The following GRAMD1B variants were observed in gnomAD, a reference collection of about 807,000 sequenced individuals.
GRAMD1B encodes the protein protein Aster-B.
In GRAMD1B, 37 loss-of-function variants were observed where a neutral mutation model predicts 99.7. That is an observed-to-expected ratio of 0.37 (90% CI 0.29 to 0.49). The LOEUF is 0.49. GRAMD1B is among the 20% of genes least tolerant of loss of function. GRAMD1B has a pLI of 0.98. For synonymous variants in GRAMD1B, 427 were observed against 387.6 expected, an observed-to-expected ratio of 1.10 and a Z score of -1.19; for missense variants, 888 against 1,009.2, an observed-to-expected ratio of 0.88 and a Z score of 1.63.
intron 17 of GRAMD1B, among the ~76,000 whole-genome samples, chr11:123,616,037 CTG>C (rs1392402216): frequency 6.6e-6 from 1 of 152,104 alleles, no homozygotes; most frequent in Non-Finnish European, 1.5e-5. Flanking sequence ...ACAAAAGTAA[CTG>C]TTGGCTGGGC....
At chr11:123,441,431 A>C (rs896061611) in intron 1 of GRAMD1B, among the ~76,000 whole-genome samples, 1 of 152,078 alleles carries the variant, frequency 6.6e-6, no homozygotes, top group Non-Finnish European at 1.5e-5. Context: ...GCTTGAGCCG[A>C]GGAGTTGGAG....
At chr11:123,621,806 A>G (rs1235290788) in intron 19 of GRAMD1B, among the ~76,000 whole-genome samples, 1 of 149,958 alleles carries the variant, frequency 6.7e-6, no homozygotes, top group African/African-American at 2.5e-5. Flanking sequence ...TTCTTGATCT[A>G]GCACTGAGAC....
chr11:123,427,283 AT>A (rs1446736467), upstream of GRAMD1B, among the ~76,000 whole-genome samples: 1 of 152,198 alleles, frequency 6.6e-6, no homozygotes, highest in African/African-American at 2.4e-5. Context: ...TTCAGAAGGC[AT>A]GAGTTCCAAT....
At chr11:123,421,490 G>T (rs974427361) in intron 1 of GRAMD1B, among the ~76,000 whole-genome samples, 1 of 152,222 alleles carries the variant, frequency 6.6e-6, no homozygotes, top group African/African-American at 2.4e-5. Flanking sequence ...CCAGCTTTGT[G>T]ATCTTGGTCT....
intron 1 of GRAMD1B, among the ~76,000 whole-genome samples, chr11:123,377,064 T>C (rs1257576829): frequency 2.6e-5 from 4 of 152,200 alleles, no homozygotes; most frequent in Admixed American, 1.3e-4. Context: ...CTCCAAGAAC[T>C]ACTCTAAAAG....
At chr11:123,490,628 T>G (rs1294363077) in intron 2 of GRAMD1B, among the ~76,000 whole-genome samples, 1 of 152,176 alleles carries the variant, frequency 6.6e-6, no homozygotes, top group Non-Finnish European at 1.5e-5. Context: ...TCAAGATATA[T>G]TTAGGAGATA....
At chr11:123,415,581 C>A (rs1253756849) in intron 1 of GRAMD1B, among the ~76,000 whole-genome samples, 1 of 151,938 alleles carries the variant, frequency 6.6e-6, no homozygotes. Flanking sequence ...AGGTGAAGAT[C>A]ATTTTTATCA....
intron 1 of GRAMD1B, among the ~76,000 whole-genome samples, chr11:123,419,736 T>A (rs1948359861): frequency 9.0e-6 from 1 of 111,506 alleles, no homozygotes; most frequent in African/African-American, 3.9e-5. Flanking sequence ...TGTGTGTGTG[T>A]GTGTGTGTGT....
At chr11:123,485,590 A>T (rs1419203301) in intron 2 of GRAMD1B, among the ~76,000 whole-genome samples, 1 of 152,194 alleles carries the variant, frequency 6.6e-6, no homozygotes, top group South Asian at 2.1e-4. Flanking sequence ...TTTTATGAAA[A>T]TGTGTTTATT....
chr11:123,531,722 G>C (rs1943395250), intron 2 of GRAMD1B, among the ~76,000 whole-genome samples: 1 of 140,734 alleles, frequency 7.1e-6, no homozygotes, highest in African/African-American at 2.7e-5. Flanking sequence ...ACTACATATT[G>C]CTAGATGGTT....
rs905799924 is a variant in GRAMD1B at position 123,622,870 on chromosome 11, C to T, written c.*275C>T. ...CCCCTGATCTCCCTCCTCCCACCCT[C>T]TGTTCCCCACCCCTTCCCTTGCTGG... On this transcript the variant is annotated 3_prime_UTR_variant, in exon 20 of 20. Coordinates refer to ENST00000635736, the MANE Select transcript of GRAMD1B (RefSeq NM_001387025.1). The T allele has an allele frequency of 1.3e-5, 2 of 157,094 alleles. No individual in the cohort carries two copies. The highest frequency in any genetic ancestry group is 2.4e-5 in the African/African-American group (1 of 41,474). The allele number at this position is 157,094 out of a possible 1,614,324, so 9.7% of individuals were successfully genotyped here. A position where few individuals can be genotyped will look rare whatever the true frequency, so the allele number is the denominator to read the frequency against.
chr11:123,444,375 G>C (rs116269860), intron 1 of GRAMD1B, among the ~76,000 whole-genome samples: 2,151 of 152,042 alleles, frequency 0.014, 51 homozygotes, highest in African/African-American at 0.049. Flanking sequence ...ACCTATAATC[G>C]CAGCACTTTG....
At chr11:123,381,285 G>A (rs568898739) in intron 1 of GRAMD1B, among the ~76,000 whole-genome samples, 10 of 152,300 alleles carry the variant, frequency 6.6e-5, no homozygotes, top group African/African-American at 1.9e-4. Context: ...CTGCTGGGTG[G>A]GTTGTTTGGC....
At chr11:123,445,032 C>T (rs1949575428) in intron 1 of GRAMD1B, among the ~76,000 whole-genome samples, 2 of 152,188 alleles carry the variant, frequency 1.3e-5, no homozygotes, top group African/African-American at 2.4e-5. Flanking sequence ...TTCTGTCACT[C>T]AGGAAAGTCC....
Position 123,614,779 on chromosome 11 carries a change from C to A in GRAMD1B, c.2262C>A (p.Thr754=). The change falls in exon 17 of 20, where the codon ACC becomes ACA. Residue 754 remains threonine, a synonymous_variant. Coordinates refer to ENST00000635736, the MANE Select transcript of GRAMD1B (RefSeq NM_001387025.1). ...AGACGCGGCATATCCCGGAGGACAC[C>A]CCCAACGGTTTCCACCTGCAGAGCG... is the stretch of plus-strand genomic sequence containing the variant. ...STQTRHIPED[T]PNGFHLQSVS... The A allele has an allele frequency of 1.9e-6, 3 of 1,612,446 alleles. No homozygotes were observed. Among genetic ancestry groups the A allele is most frequent in the Non-Finnish European group, 2.5e-6 (3 of 1,178,586 alleles).
At position 123,625,257 on chromosome 11, in the gene GRAMD1B, T is replaced by C. The variant is rs1955434384; in HGVS notation, c.*2662T>C. On this transcript the variant is annotated 3_prime_UTR_variant, in exon 20 of 20. Transcript: ENST00000635736. Reference sequence around the variant, plus strand: ...GGGAGCATCAAAACATCACTACTTCTTATGTAACTTCTTCCAGCCAGTGCT... The same window carrying C: ...GGGAGCATCAAAACATCACTACTTCCTATGTAACTTCTTCCAGCCAGTGCT... 6.6e-6 allele frequency: 1 copy of C among 152,258 alleles called. No homozygotes were observed. Among genetic ancestry groups the C allele is most frequent in the African/African-American group, 2.4e-5 (1 of 41,476 alleles). The allele number at this position is 152,258 out of a possible 1,614,324, so 9.4% of individuals were successfully genotyped here.
At chr11:123,538,726 C>T (rs1348438260) in intron 2 of GRAMD1B, among the ~76,000 whole-genome samples, 1 of 151,754 alleles carries the variant, frequency 6.6e-6, no homozygotes, top group Non-Finnish European at 1.5e-5. Flanking sequence ...TTCAAGCGAT[C>T]CTCCCACCTT....
At chr11:123,585,424 C>T (rs1241650328) in intron 4 of GRAMD1B, among the ~76,000 whole-genome samples, 1 of 152,202 alleles carries the variant, frequency 6.6e-6, no homozygotes, top group African/African-American at 2.4e-5. Context: ...GCCCAGTGAC[C>T]AGCCCGTCCT....
Position 123,492,696 on chromosome 11 carries a change from C to T in GRAMD1B, c.452+11803C>T, listed in dbSNP as rs993883791. 4.0e-5 allele frequency among the ~76,000 whole-genome samples: 6 copies of T among 151,464 alleles called. No individual in the cohort carries two copies. Among genetic ancestry groups the T allele is most frequent in the Non-Finnish European group, 7.4e-5 (5 of 67,944 alleles). On this transcript the variant is annotated intron_variant, in intron 2 of 19. Transcript: ENST00000635736. This position sits in a 1 kb window ranked among gnomAD's most constrained non-coding sequence, Gnocchi z 4.2. The stretch of plus-strand genomic sequence containing the variant: ...TTGTGTGTTTTTGCTTTTGTTTTGG[C>T]GTAAAGAGAAACATCACTGAGAAAG...
Sources: allele counts gnomAD v4.1 joint callset (sites outside exome capture counted in the v4.1 genomes callset), GRCh38; gene constraint gnomAD v4.1.1; non-coding constraint Gnocchi (gnomAD v3.1); transcripts MANE v1.5; gene names NCBI Gene and HGNC (gene_info 2026-07-23, HGNC 2026-07-21).